The following DIS3L2 variants were observed in gnomAD, a reference collection of about 807,000 sequenced individuals.
The protein encoded by DIS3L2 is DIS3-like exonuclease 2.
Under a neutral mutation model 97.5 loss-of-function variants are expected in DIS3L2, and 34 were observed. That is an observed-to-expected ratio of 0.35 (90% CI 0.27 to 0.46). The LOEUF (loss-of-function observed/expected upper bound fraction) is 0.46, where lower values mean the gene tolerates loss of function less well. DIS3L2 is among the 20% of genes least tolerant of loss of function. The pLI, the probability that DIS3L2 is intolerant of heterozygous loss-of-function variation, is 1.00. For missense variants in DIS3L2, 1,038 were observed against 1,146.0 expected (o/e 0.91, Z 1.36); for synonymous variants, 435 against 445.2 (o/e 0.98, Z 0.29).
chr2:232,005,924 A>G lies in DIS3L2; in HGVS notation c.-93-8911A>G, dbSNP rs182904451. Among the ~76,000 whole-genome samples the G allele has an allele frequency of 7.9e-5, 12 of 152,354 alleles. No individual in the cohort carries two copies. The East Asian group carries it at 2.3e-3, about 29-fold the overall frequency. The stretch of plus-strand genomic sequence containing the variant: ...ACTTTATGGCTGGGCGCGGTGGCTC[A>G]TGCCTGTAATCCCAGCACTTTGAGG... On this transcript the variant is annotated intron_variant, in intron 1 of 20. Transcript: ENST00000325385.
intron 5 of DIS3L2, among the ~76,000 whole-genome samples, chr2:232,066,630 A>G (rs909518669): frequency 1.3e-5 from 2 of 152,016 alleles, no homozygotes; most frequent in African/African-American, 4.8e-5. Context: ...TTGAGAGAGT[A>G]TGATAGGGTT....
chr2:232,270,930 T>A (rs1167260263), intron 13 of DIS3L2, among the ~76,000 whole-genome samples: 5 of 151,388 alleles, frequency 3.3e-5, no homozygotes, highest in African/African-American at 1.2e-4. Flanking sequence ...CGTCTCTCTC[T>A]CTCTCTCTCT....
intron 13 of DIS3L2, among the ~76,000 whole-genome samples, chr2:232,277,413 A>G (rs1273513445): frequency 4.4e-4 from 67 of 152,240 alleles, no homozygotes; most frequent in Non-Finnish European, 5.9e-5. Context: ...ACTCTTATGC[A>G]TAAAATTCAA....
At chr2:232,225,440 T>C (rs1692619323) in intron 10 of DIS3L2, among the ~76,000 whole-genome samples, 1 of 152,136 alleles carries the variant, frequency 6.6e-6, no homozygotes, top group Non-Finnish European at 1.5e-5. Context: ...TCAAAAACGC[T>C]GTGTTGAGCA....
chr2:232,330,033 G>C (rs754486501), intron 15 of DIS3L2, 37 bp downstream of exon 15: 35 of 1,574,416 alleles, frequency 2.2e-5, no homozygotes, highest in Non-Finnish European at 2.9e-5. Context: ...GGCCCTGCTT[G>C]GGGGAAAGAA....
At position 232,130,685 on chromosome 2, in the gene DIS3L2, C is replaced by G. The variant is rs781775529; in HGVS notation, c.668C>G (p.Ala223Gly). The G allele has an allele frequency of 6.2e-7, 1 of 1,613,910 alleles. No homozygotes were observed. The highest frequency in any genetic ancestry group is 1.1e-5 in the South Asian group (1 of 91,058). ...ETTCISQDTR[A>G]LSEKSLQRSA... ...ACCTGCATTTCACAAGACACAAGAG[C>G]TTTATCGGAGAAATCCCTGCAAAGA... Residue 223 changes from alanine (A) to glycine (G), a missense_variant, in exon 7 of 21, where the codon GCT becomes GGT. Coordinates refer to ENST00000325385, the MANE Select transcript of DIS3L2 (RefSeq NM_152383.5).
At chr2:232,120,205 CACTCAGGCATA>C (rs1438415003) in intron 6 of DIS3L2, among the ~76,000 whole-genome samples, 1 of 152,126 alleles carries the variant, frequency 6.6e-6, no homozygotes, top group Non-Finnish European at 1.5e-5. Flanking sequence ...CAGTATCTGT[CACTCAGGCATA>C]ACTCTTAGGA....
chr2:232,183,847 C>T (rs994931514), intron 9 of DIS3L2, among the ~76,000 whole-genome samples: 3 of 152,154 alleles, frequency 2.0e-5, no homozygotes, highest in Non-Finnish European at 4.4e-5. Flanking sequence ...CAGGGAACTG[C>T]TGGATAGGTC....
At chr2:232,280,107 T>C (rs1694244257) in intron 13 of DIS3L2, among the ~76,000 whole-genome samples, 1 of 152,244 alleles carries the variant, frequency 6.6e-6, no homozygotes, top group Admixed American at 6.5e-5. Context: ...GAAGGTTTTA[T>C]AATTTTAGGA....
chr2:232,261,884 G>C (rs1034562190), intron 12 of DIS3L2, among the ~76,000 whole-genome samples: 1 of 152,164 alleles, frequency 6.6e-6, no homozygotes, highest in Non-Finnish European at 1.5e-5. Flanking sequence ...ATTTCTCTAT[G>C]TCTTAGTTTC....
At chr2:232,199,915 A>G (rs181331413) in intron 9 of DIS3L2, among the ~76,000 whole-genome samples, 2 of 152,346 alleles carry the variant, frequency 1.3e-5, no homozygotes, top group Admixed American at 1.3e-4. Context: ...AAATCAAGCA[A>G]AAACAAATGG....
At chr2:232,343,805 C>A in exon 14 of DIS3L2, 1 of 500,390 alleles carries the variant, frequency 2.0e-6, no homozygotes, top group Non-Finnish European at 3.7e-6. Context: ...AAGCCAAGTA[C>A]ATTCCAATAC....
intron 5 of DIS3L2, among the ~76,000 whole-genome samples, chr2:232,047,943 T>G (rs992489068): frequency 6.6e-6 from 1 of 152,252 alleles, no homozygotes; most frequent in Admixed American, 6.5e-5. Context: ...TGTGTGGACA[T>G]GCCACATTTT....
chr2:232,330,812 A>G (rs1695714163), intron 16 of DIS3L2, 36 bp downstream of exon 16: 14 of 1,588,732 alleles, frequency 8.8e-6, no homozygotes, highest in Non-Finnish European at 1.1e-5. Context: ...CCCTGCTCCC[A>G]GGAGCACACT....
At chr2:232,205,449 C>T (rs902651053) in intron 9 of DIS3L2, among the ~76,000 whole-genome samples, 1 of 151,920 alleles carries the variant, frequency 6.6e-6, no homozygotes, top group African/African-American at 2.4e-5. Flanking sequence ...ACTACATGCT[C>T]ATGCCACCAC....
chr2:232,174,976 G>A (rs562440056), intron 9 of DIS3L2, among the ~76,000 whole-genome samples: 4 of 152,082 alleles, frequency 2.6e-5, no homozygotes, highest in East Asian at 1.9e-4. Flanking sequence ...ACAACAGGGC[G>A]TGCCACCAAA....
chr2:232,013,477 T>G (rs1486291143), intron 1 of DIS3L2, among the ~76,000 whole-genome samples: 1 of 152,272 alleles, frequency 6.6e-6, no homozygotes, highest in African/African-American at 2.4e-5. Flanking sequence ...CTGTATTTTC[T>G]GTTTGCGCCT....
chr2:232,261,391 C>A (rs1346280353), intron 12 of DIS3L2, among the ~76,000 whole-genome samples: 1 of 152,206 alleles, frequency 6.6e-6, no homozygotes, highest in African/African-American at 2.4e-5. Flanking sequence ...TCCTTCCCTC[C>A]TGTTCTTTTG....
At chr2:232,263,013 G>T (rs1348126074) in intron 12 of DIS3L2, among the ~76,000 whole-genome samples, 194 bp from the exon 13 acceptor site, 1 of 152,198 alleles carries the variant, frequency 6.6e-6, no homozygotes, top group Non-Finnish European at 1.5e-5. Context: ...GCCAGGTGGA[G>T]ACTAAGCTCC....
Sources: allele counts gnomAD v4.1 joint callset (sites outside exome capture counted in the v4.1 genomes callset), GRCh38; gene constraint gnomAD v4.1.1; transcripts MANE v1.5; gene names NCBI Gene and HGNC (gene_info 2026-07-23, HGNC 2026-07-21).